The following UGT1A4 variants were observed in gnomAD, a reference collection of about 807,000 sequenced individuals.
UGT1A4 encodes UDP glucuronosyltransferase family 1 member A4, also known as UDP-glucuronosyltransferase 1A4.
In UGT1A4, 32 loss-of-function variants were observed where a neutral mutation model predicts 41.1. The observed-to-expected ratio is 0.78, with a 90% CI of 0.59 to 1.05. The LOEUF (loss-of-function observed/expected upper bound fraction) is 1.05, where lower values mean the gene tolerates loss of function less well. Ranked by LOEUF, UGT1A4 falls within the 50% of genes least tolerant of loss-of-function variation. The probability of loss-of-function intolerance (pLI) is 0.00; values close to 1 mark genes in which losing one functional copy is unlikely to be tolerated. For synonymous variants in UGT1A4, 283 were observed against 265.1 expected (o/e 1.07, Z -0.66); for missense variants, 748 against 677.4 (o/e 1.10, Z -1.16).
intron 1 of UGT1A4, among the ~76,000 whole-genome samples, chr2:233,764,956 C>T (rs371892810): frequency 2.6e-5 from 4 of 152,042 alleles, no homozygotes; most frequent in Non-Finnish European, 5.9e-5. Context: ...AGAGAGGGCT[C>T]ACCTTGGGAG....
At chr2:233,729,203 C>T in intron 1 of UGT1A4, 1 of 1,614,022 alleles carries the variant, frequency 6.2e-7, no homozygotes, top group Non-Finnish European at 8.5e-7. Flanking sequence ...CAGCCCTGGG[C>T]TGAGAGTGGA....
intron 1 of UGT1A4, among the ~76,000 whole-genome samples, chr2:233,727,577 G>T (rs1286576165): frequency 6.6e-6 from 1 of 152,206 alleles, no homozygotes; most frequent in Admixed American, 6.5e-5. Flanking sequence ...TGCTTAGGAA[G>T]CATATAGTTT....
chr2:233,725,179 GAGAGGCAGAGGC>G lies in UGT1A4; in HGVS notation c.867+5522_867+5533del, dbSNP rs879478240. ...CTCTGCATGAGAGGGAGACCGTGGG[GAGAGGCAGAGGC>G]AGAGGCAGAGGCAGAGGCAGAGGCA... On this transcript the variant is annotated intron_variant, in intron 1 of 4. Coordinates refer to ENST00000373409, the MANE Select transcript of UGT1A4 (RefSeq NM_007120.3). Among the ~76,000 whole-genome samples the G allele has an allele frequency of 6.0e-3, 403 of 67,616 alleles. 106 individuals carry two copies. Among genetic ancestry groups the G allele is most frequent in the Middle Eastern group, 0.049 (7 of 142 alleles). 44.4% of individuals were successfully genotyped at this position (67,616 alleles called of 152,430 possible). A position where few individuals can be genotyped will look rare whatever the true frequency, so the allele number is the denominator to read the frequency against.
At chr2:233,739,943 C>A (rs1413730564) in intron 1 of UGT1A4, among the ~76,000 whole-genome samples, 1 of 151,878 alleles carries the variant, frequency 6.6e-6, no homozygotes, top group African/African-American at 2.4e-5. Context: ...AAGGTTGGTA[C>A]CTGGTGGGAG....
At chr2:233,760,603 C>T in intron 1 of UGT1A4, 1 of 1,614,202 alleles carries the variant, frequency 6.2e-7, no homozygotes, top group Non-Finnish European at 8.5e-7. Context: ...TGATTCTTTC[C>T]TGCAGCGTGT....
chr2:233,757,160 CAG>C (rs980635310), intron 1 of UGT1A4, among the ~76,000 whole-genome samples: 33 of 151,262 alleles, frequency 2.2e-4, no homozygotes, highest in African/African-American at 7.8e-4. Context: ...GGGTCTATCC[CAG>C]AGTTTTGAGA....
chr2:233,748,753 G>A (rs1217763001), intron 1 of UGT1A4, among the ~76,000 whole-genome samples: 1 of 151,562 alleles, frequency 6.6e-6, no homozygotes, highest in African/African-American at 2.4e-5. Flanking sequence ...GGAAGGCATA[G>A]TTTTGGTTGC....
In UGT1A4 at chr2:233,718,852, G is replaced by A. The variant is rs149314940; in HGVS notation, c.32G>A (p.Arg11Gln). The change falls in exon 1 of 5, where the codon CGG becomes CAG. Residue 11 changes from arginine to glutamine, a missense_variant. Physicochemically the swap from Arg to Gln is conservative, Grantham distance 43. Coordinates refer to ENST00000373409, the MANE Select transcript of UGT1A4 (RefSeq NM_007120.3). MARGLQVPLP[R>Q]LATGLLLLLS... is the part of the protein sequence containing the mutation. ...AGAGGACTCCAGGTTCCCCTGCCGC[G>A]GCTGGCCACAGGACTGCTGCTCCTC... The A allele has an allele frequency of 5.0e-5, 80 of 1,613,718 alleles. No homozygotes were observed. Among genetic ancestry groups the A allele is most frequent in the Middle Eastern group, 1.7e-4 (1 of 5,766 alleles).
intron 1 of UGT1A4, among the ~76,000 whole-genome samples, chr2:233,737,177 G>A (rs566988062): frequency 3.9e-5 from 6 of 152,300 alleles, no homozygotes; most frequent in Middle Eastern, 3.4e-3. Flanking sequence ...AGTCTATAGC[G>A]GCAGTAGCCC....
At chr2:233,766,610 TC>T (rs1292898350) in intron 1 of UGT1A4, among the ~76,000 whole-genome samples, 1 of 152,172 alleles carries the variant, frequency 6.6e-6, no homozygotes, top group Non-Finnish European at 1.5e-5. Context: ...CACACCCTCT[TC>T]TACCCAGCAC....
At chr2:233,729,544 C>T (rs2077877182) in intron 1 of UGT1A4, 24 of 1,614,178 alleles carry the variant, frequency 1.5e-5, no homozygotes, top group Non-Finnish European at 1.9e-5. Context: ...CCTGATCAGG[C>T]ACCTGAATGC....
At chr2:233,767,675 CA>C (rs1699446425) in intron 2 of UGT1A4, among the ~76,000 whole-genome samples, 173 bp from the exon 3 acceptor site, 1 of 152,180 alleles carries the variant, frequency 6.6e-6, no homozygotes, top group Non-Finnish European at 1.5e-5. Flanking sequence ...ACTAAACCTC[CA>C]AAACAAGATG....
chr2:233,757,542 ATATATATATATATATATATG>A (rs1365992052), intron 1 of UGT1A4, among the ~76,000 whole-genome samples: 3 of 116,804 alleles, frequency 2.6e-5, no homozygotes, highest in East Asian at 2.1e-4. Context: ...AGGAATATAT[ATATATATATATATATATATG>A]TATATATGAT....
At chr2:233,745,951 T>G (rs946594198) in intron 1 of UGT1A4, among the ~76,000 whole-genome samples, 1 of 151,238 alleles carries the variant, frequency 6.6e-6, no homozygotes, top group African/African-American at 2.4e-5. Context: ...GTTGGGCAAC[T>G]GGGGGACAGG....
Position 233,769,262 on chromosome 2 carries a change from G to A in UGT1A4, c.1307+823G>A, listed in dbSNP as rs1197405588. ...TTTGCTCAAATGTGGCCCTGAAAAC[G>A]ATTCAAAGGGCAAATGATTTCTGGA... is the stretch of plus-strand genomic sequence containing the variant. On this transcript the variant is annotated intron_variant, in intron 4 of 4. Coordinates refer to ENST00000373409, the MANE Select transcript of UGT1A4 (RefSeq NM_007120.3). The surrounding 1 kb of genome is among the most constrained non-coding windows in gnomAD (Gnocchi z 4.4). Among the ~76,000 whole-genome samples the A allele has an allele frequency of 1.3e-5, 2 of 152,184 alleles. No homozygotes were observed. The highest frequency in any genetic ancestry group is 2.9e-5 in the Non-Finnish European group (2 of 68,036).
rs769331263 is a variant in UGT1A4 at position 233,772,705 on chromosome 2, C to A, written c.*146C>A. 6.8e-7 allele frequency: 1 copy of A among 1,474,690 alleles called. No homozygotes were observed. The highest frequency in any genetic ancestry group is 2.5e-5 in the East Asian group (1 of 40,596). The allele number at this position is 1,474,690 out of a possible 1,614,324, so 91.4% of individuals were successfully genotyped here. On this transcript the variant is annotated 3_prime_UTR_variant, in exon 5 of 5. Coordinates refer to ENST00000373409, the MANE Select transcript of UGT1A4 (RefSeq NM_007120.3). Reference sequence around the variant, plus strand: ...CAGCCCCAGAGTGCTTTAAAAAATTCTCTTAAATAAAAATAATAGACTCGC... The same window carrying A: ...CAGCCCCAGAGTGCTTTAAAAAATTATCTTAAATAAAAATAATAGACTCGC...
chr2:233,757,535 AATATAT>A (rs67292694), intron 1 of UGT1A4, among the ~76,000 whole-genome samples: 4 of 88,308 alleles, frequency 4.5e-5, no homozygotes, highest in East Asian at 2.8e-4. Flanking sequence ...GCCTGTAAGG[AATATAT>A]ATATATATAT....
intron 4 of UGT1A4, 132 bp from the exon 5 acceptor site, chr2:233,772,130 A>G: frequency 2.6e-6 from 4 of 1,542,514 alleles, no homozygotes; most frequent in Non-Finnish European, 2.6e-6. Context: ...AACAACAACA[A>G]CAATAATAGA....
In UGT1A4 at chr2:233,739,290, C is replaced by A. The variant is rs1363558012; in HGVS notation, c.867+19603C>A. On this transcript the variant is annotated intron_variant, in intron 1 of 4. Transcript: ENST00000373409. ...TTGGAGCCCCCACACAGAGTCTCCACTGGGGCACTGCCTAGTGGAGTTGTG... is the reference window on the plus strand; with the variant it reads ...TTGGAGCCCCCACACAGAGTCTCCAATGGGGCACTGCCTAGTGGAGTTGTG... Among the ~76,000 whole-genome samples, 3 of 152,214 alleles carry A rather than the reference C, an allele frequency of 2.0e-5. No homozygotes were observed. In the East Asian group the frequency reaches 5.8e-4, roughly 29 times the overall value.
Sources: gnomAD v4.1 joint callset for allele counts (sites outside exome capture counted in the v4.1 genomes callset) on GRCh38, gnomAD v4.1.1 for gene constraint, Gnocchi (gnomAD v3.1) non-coding constraint, MANE v1.5 for transcripts, NCBI Gene and HGNC (gene_info 2026-07-23, HGNC 2026-07-21) for gene names.